The following GLI3 variants were observed in gnomAD, a reference collection of about 807,000 sequenced individuals.
The protein encoded by GLI3 is GLI family zinc finger 3, also known as transcription activator GLI3.
GLI3 carries 20 observed loss-of-function variants against 100.8 expected under a neutral mutation model. That is an observed-to-expected ratio of 0.20 (90% CI 0.14 to 0.29). The LOEUF is 0.29. Ranked by LOEUF, GLI3 falls within the 10% of genes least tolerant of loss-of-function variation. The pLI is 1.00. For synonymous variants in GLI3, 938 were observed against 860.5 expected, an observed-to-expected ratio of 1.09 and a Z score of -1.58; for missense variants, 2,040 against 2,128.5, an observed-to-expected ratio of 0.96 and a Z score of 0.82.
At chr7:42,196,713 A>G (rs1343602286) in intron 2 of GLI3, among the ~76,000 whole-genome samples, 1 of 152,204 alleles carries the variant, frequency 6.6e-6, no homozygotes, top group African/African-American at 2.4e-5. Flanking sequence ...GGTACACTTG[A>G]CAAGAGATCA....
intron 13 of GLI3, 110 bp from the exon 14 acceptor site, chr7:41,968,033 G>GA: frequency 1.1e-6 from 1 of 914,854 alleles, no homozygotes; most frequent in East Asian, 2.4e-5. Context: ...TCAGTTGGTT[G>GA]AATGAGAAGA....
At chr7:42,181,595 A>G (rs113606835) in intron 2 of GLI3, among the ~76,000 whole-genome samples, 108 of 152,218 alleles carry the variant, frequency 7.1e-4, no homozygotes, top group African/African-American at 2.4e-3. Flanking sequence ...CCAAAGCGAG[A>G]CCCCATCTCA....
At chr7:41,988,751 C>T (rs890720850) in intron 10 of GLI3, among the ~76,000 whole-genome samples, 1 of 152,190 alleles carries the variant, frequency 6.6e-6, no homozygotes, top group African/African-American at 2.4e-5. Flanking sequence ...GCAACAGAAA[C>T]AGGCTAAGAC....
At chr7:41,992,298 G>A (rs1180253864) in intron 10 of GLI3, among the ~76,000 whole-genome samples, 7 of 152,156 alleles carry the variant, frequency 4.6e-5, no homozygotes, top group Non-Finnish European at 7.3e-5. Flanking sequence ...AGGTGATACC[G>A]AAGTCTCCAG....
Position 41,966,403 on chromosome 7 carries a change from G to A in GLI3, c.2670C>T (p.Ser890=). ...AGATGGGGTCGTAGGAGTCGGCCAC[G>A]CTCACGTTCTGCGGCCGGCCCTCGG... ...SQAEGRPQNV[S]VADSYDPIST... The change falls in exon 15 of 15, where the codon AGC becomes AGT. Residue 890 remains serine (S), a synonymous_variant. Coordinates refer to ENST00000395925, the MANE Select transcript of GLI3 (RefSeq NM_000168.6). The surrounding 1 kb of genome is among the most constrained non-coding windows in gnomAD (Gnocchi z 5.8). 6.2e-6 allele frequency: 10 copies of A among 1,611,182 alleles called. No individual in the cohort carries two copies. Among genetic ancestry groups the A allele is most frequent in the Non-Finnish European group, 8.5e-6 (10 of 1,179,442 alleles).
At chr7:42,256,648 T>A (rs948483574) in intron 1 of GLI3, among the ~76,000 whole-genome samples, 1 of 152,222 alleles carries the variant, frequency 6.6e-6, no homozygotes, top group Non-Finnish European at 1.5e-5. Context: ...CATATGCCTA[T>A]CCTGCATTAA....
chr7:42,167,594 T>A (rs1368495039), intron 2 of GLI3, among the ~76,000 whole-genome samples: 11 of 152,354 alleles, frequency 7.2e-5, no homozygotes, highest in South Asian at 4.1e-4. Flanking sequence ...GCTTTTTCCG[T>A]ATACATACAG....
At chr7:42,092,803 TTATTTATTTATG>T (rs1288872330) in intron 3 of GLI3, among the ~76,000 whole-genome samples, 2 of 141,466 alleles carry the variant, frequency 1.4e-5, no homozygotes, top group African/African-American at 5.2e-5. Context: ...ATTTATTTAT[TTATTTATTTATG>T]TATTTATGTA....
At chr7:42,031,016 G>GC (rs58776143) in intron 7 of GLI3, among the ~76,000 whole-genome samples, 94,693 of 151,612 alleles carry the variant, frequency 0.62, 31,424 homozygotes, top group African/African-American at 0.87. Context: ...ACCACACCCA[G>GC]GCATAGTTGA....
intron 4 of GLI3, among the ~76,000 whole-genome samples, chr7:42,053,952 C>T (rs1784402493): frequency 6.6e-6 from 1 of 152,114 alleles, no homozygotes; most frequent in African/African-American, 2.4e-5. Context: ...GAAGATGTGC[C>T]TCGCCCCATT....
chr7:42,244,097 G>T (rs565892374), intron 1 of GLI3, among the ~76,000 whole-genome samples: 4 of 152,284 alleles, frequency 2.6e-5, no homozygotes, highest in Non-Finnish European at 5.9e-5. Flanking sequence ...GCCTCCCAAA[G>T]TGCTGGGATT....
At position 42,065,887 on chromosome 7, in the gene GLI3, A is replaced by T. The variant is rs180789153; in HGVS notation, c.473+10865T>A. 4.6e-5 allele frequency among the ~76,000 whole-genome samples: 7 copies of T among 152,316 alleles called. No homozygotes were observed. The South Asian group carries it at 8.3e-4, about 18-fold the overall frequency. On this transcript the variant is annotated intron_variant, in intron 4 of 14. Transcript: ENST00000395925. ...TTTTAAGGCTAGTAATGATTCGAGT[A>T]GCCATGTTATTAAACTAGAATGAAG...
intron 3 of GLI3, among the ~76,000 whole-genome samples, chr7:42,086,026 A>G (rs984297877): frequency 2.5e-4 from 38 of 152,206 alleles, no homozygotes; most frequent in Admixed American, 7.9e-4. Context: ...TTTTATCTGG[A>G]CCATCCACTC....
At chr7:42,056,712 A>G (rs1415006881) in intron 4 of GLI3, among the ~76,000 whole-genome samples, 4 of 152,164 alleles carry the variant, frequency 2.6e-5, no homozygotes, top group African/African-American at 7.2e-5. Flanking sequence ...GCACTTTGGG[A>G]GGCTGAGTCG....
At chr7:42,085,704 A>C (rs846290) in intron 3 of GLI3, among the ~76,000 whole-genome samples, 101,002 of 152,088 alleles carry the variant, frequency 0.66, 34,725 homozygotes, top group African/African-American at 0.84. Flanking sequence ...CCTTCATGAA[A>C]TGTCAATCCT....
rs1787061905 is a variant in GLI3, at chr7:41,963,467, A to G, written c.*863T>C. 6.6e-6 allele frequency: 1 copy of G among 152,234 alleles called. No individual in the cohort carries two copies. The highest frequency in any genetic ancestry group is 2.1e-4 in the South Asian group (1 of 4,832). 9.4% of individuals were successfully genotyped at this position (152,234 alleles called of 1,614,324 possible). On this transcript the variant is annotated 3_prime_UTR_variant, in exon 15 of 15. Transcript: ENST00000395925. Reference sequence around the variant, plus strand: ...TCTATCTAACTTCTTACCAGAACAGATAAAAGTAGCAATGTGGCTGAGTGT... The same window carrying G: ...TCTATCTAACTTCTTACCAGAACAGGTAAAAGTAGCAATGTGGCTGAGTGT...
intron 2 of GLI3, among the ~76,000 whole-genome samples, chr7:42,186,216 C>G (rs1404852844): frequency 1.3e-5 from 2 of 152,192 alleles, no homozygotes; most frequent in Admixed American, 1.3e-4. Flanking sequence ...TCATATTCCT[C>G]CTTCCAGCTC....
intron 3 of GLI3, among the ~76,000 whole-genome samples, chr7:42,094,763 C>T (rs1785301788): frequency 2.6e-5 from 4 of 151,712 alleles, no homozygotes; most frequent in Admixed American, 2.6e-4. Context: ...AAAAAAAAGA[C>T]AATTCACTCT....
chr7:42,183,647 G>A (rs1001645427), intron 2 of GLI3, among the ~76,000 whole-genome samples: 112 of 152,242 alleles, frequency 7.4e-4, no homozygotes, highest in African/African-American at 2.2e-3. Flanking sequence ...CTACACCGCC[G>A]TCAAATAAAG....
Sources: gnomAD v4.1 joint callset for allele counts (sites outside exome capture counted in the v4.1 genomes callset) on GRCh38, gnomAD v4.1.1 for gene constraint, Gnocchi (gnomAD v3.1) non-coding constraint, MANE v1.5 for transcripts, NCBI Gene and HGNC (gene_info 2026-07-23, HGNC 2026-07-21) for gene names.